SGCZ: variants seen among roughly 807,000 people sequenced by gnomAD.
The protein encoded by SGCZ is sarcoglycan zeta, also known as zeta-sarcoglycan.
In SGCZ, 40 loss-of-function variants were observed where a neutral mutation model predicts 41.3. That is an observed-to-expected ratio of 0.97 (90% confidence interval 0.75 to 1.26). SGCZ has a LOEUF of 1.26. Ranked by LOEUF, SGCZ falls within the 50% of genes most tolerant of loss-of-function variation. The pLI, the probability that SGCZ is intolerant of heterozygous loss-of-function variation, is 0.00. For synonymous variants in SGCZ, 206 were observed against 137.5 expected (o/e 1.50, Z -3.49); for missense variants, 552 against 369.8 (o/e 1.49, Z -4.04).
intron 1 of SGCZ, among the ~76,000 whole-genome samples, chr8:14,928,193 T>C (rs1250120061): frequency 6.6e-6 from 1 of 152,212 alleles, no homozygotes; most frequent in Non-Finnish European, 1.5e-5. Context: ...AGGAAATTAA[T>C]GTCAATGACA....
chr8:14,249,805 T>G (rs995022041), intron 3 of SGCZ, among the ~76,000 whole-genome samples: 2 of 152,128 alleles, frequency 1.3e-5, no homozygotes, highest in African/African-American at 4.8e-5. Flanking sequence ...CTTCTGACAT[T>G]TTTCTACACT....
At chr8:14,885,204 A>C (rs1054963233) in intron 1 of SGCZ, among the ~76,000 whole-genome samples, 1 of 152,100 alleles carries the variant, frequency 6.6e-6, no homozygotes, top group Non-Finnish European at 1.5e-5. Context: ...GTTTGTTTTT[A>C]AATTGGTCCA....
chr8:14,396,697 T>C (rs11995667), intron 2 of SGCZ, among the ~76,000 whole-genome samples: 25,513 of 151,956 alleles, frequency 0.17, 5,054 homozygotes, highest in African/African-American at 0.48. Flanking sequence ...TCAGGGGTTT[T>C]CTGAGAGCAA....
At chr8:14,193,200 T>C (rs111786961) in intron 4 of SGCZ, among the ~76,000 whole-genome samples, 5 of 152,038 alleles carry the variant, frequency 3.3e-5, no homozygotes, top group African/African-American at 1.2e-4. Flanking sequence ...AACATCCATT[T>C]TACTCCTGCC....
intron 1 of SGCZ, among the ~76,000 whole-genome samples, chr8:15,126,559 G>T (rs1807694896): frequency 6.6e-6 from 1 of 152,156 alleles, no homozygotes; most frequent in Non-Finnish European, 1.5e-5. Context: ...ATTCATCATG[G>T]AAGAACTGAT....
intron 1 of SGCZ, among the ~76,000 whole-genome samples, chr8:14,634,134 C>G (rs4831300): frequency 0.34 from 50,925 of 151,574 alleles, 8,864 homozygotes; most frequent in East Asian, 0.63. Context: ...TATTCTATTT[C>G]AGAAAAAAAT....
At chr8:14,465,457 T>A (rs1383636610) in intron 2 of SGCZ, among the ~76,000 whole-genome samples, 2 of 151,776 alleles carry the variant, frequency 1.3e-5, no homozygotes, top group African/African-American at 4.8e-5. Context: ...AGAGGGAGTC[T>A]CCTGTACAGT....
intron 1 of SGCZ, among the ~76,000 whole-genome samples, chr8:15,156,956 AAAAG>A (rs1279075177): frequency 4.6e-5 from 7 of 151,630 alleles, no homozygotes; most frequent in Non-Finnish European, 8.8e-5. Context: ...AAAAAAAAAA[AAAAG>A]AAAAGAAAAA....
At chr8:14,889,938 C>G (rs1253717529) in intron 1 of SGCZ, among the ~76,000 whole-genome samples, 2 of 152,036 alleles carry the variant, frequency 1.3e-5, no homozygotes, top group South Asian at 2.1e-4. Flanking sequence ...ATGAGGAAGA[C>G]CTGTTGAAAG....
chr8:15,130,121 C>A (rs564101098), intron 1 of SGCZ, among the ~76,000 whole-genome samples: 2 of 152,034 alleles, frequency 1.3e-5, no homozygotes, highest in South Asian at 2.1e-4. Flanking sequence ...CCTTCTCTAT[C>A]GGGAGGTTTT....
At chr8:14,557,342 G>A (rs1352551735) in intron 1 of SGCZ, among the ~76,000 whole-genome samples, 1 of 151,578 alleles carries the variant, frequency 6.6e-6, no homozygotes, top group African/African-American at 2.4e-5. Context: ...TTTGTTGAAT[G>A]TATAGATTGT....
intron 1 of SGCZ, among the ~76,000 whole-genome samples, chr8:14,718,895 C>T (rs1002761502): frequency 6.9e-6 from 1 of 145,004 alleles, no homozygotes; most frequent in Non-Finnish European, 1.5e-5. Flanking sequence ...GGCACATGTG[C>T]ACCATGTGCA....
intron 5 of SGCZ, among the ~76,000 whole-genome samples, chr8:14,122,172 G>C (rs948214611): frequency 2.0e-5 from 3 of 152,232 alleles, no homozygotes; most frequent in African/African-American, 7.2e-5. Context: ...AGCTACTCGG[G>C]AGGCTGAGGC....
intron 1 of SGCZ, among the ~76,000 whole-genome samples, chr8:14,570,639 T>C (rs1383250872): frequency 6.6e-6 from 1 of 152,212 alleles, no homozygotes; most frequent in Non-Finnish European, 1.5e-5. Flanking sequence ...ATAGCTTTGT[T>C]ATTACTGACT....
At chr8:14,833,021 A>G (rs1802584281) in intron 1 of SGCZ, among the ~76,000 whole-genome samples, 1 of 151,412 alleles carries the variant, frequency 6.6e-6, no homozygotes, top group Non-Finnish European at 1.5e-5. Context: ...ATTATGTTGA[A>G]ATGCTTAATC....
At chr8:14,827,221 A>ATTTTC (rs1350833978) in intron 1 of SGCZ, among the ~76,000 whole-genome samples, 1 of 141,004 alleles carries the variant, frequency 7.1e-6, no homozygotes, top group Non-Finnish European at 1.5e-5. Context: ...TTTATATCAC[A>ATTTTC]TTTTCTTTTC....
At chr8:14,471,401 C>T (rs1801209869) in intron 2 of SGCZ, among the ~76,000 whole-genome samples, 1 of 152,002 alleles carries the variant, frequency 6.6e-6, no homozygotes, top group African/African-American at 2.4e-5. Context: ...ATATGTATGC[C>T]ACTTTTCTGA....
At chr8:14,820,639 T>C (rs1802047188) in intron 1 of SGCZ, among the ~76,000 whole-genome samples, 1 of 152,054 alleles carries the variant, frequency 6.6e-6, no homozygotes, top group Admixed American at 6.5e-5. Context: ...CTCTTGTAAG[T>C]ATCTTTTCTA....
rs571301523 is a variant in SGCZ, at chr8:14,747,594, C to G, written c.40-192668G>C. Among the ~76,000 whole-genome samples the G allele has an allele frequency of 1.1e-3, 165 of 151,500 alleles. 1 individual carries two copies. Among genetic ancestry groups the G allele is most frequent in the Non-Finnish European group, 1.3e-3 (89 of 67,904 alleles). On this transcript the variant is annotated intron_variant, in intron 1 of 7. Transcript: ENST00000382080. Reference sequence around the variant, plus strand: ...ATTAATAATTTGTTATAATTTTTTTCAGATGAAAACCATTAAAATGACATA... The same window carrying G: ...ATTAATAATTTGTTATAATTTTTTTGAGATGAAAACCATTAAAATGACATA...
Sources: allele counts gnomAD v4.1 joint callset (sites outside exome capture counted in the v4.1 genomes callset), GRCh38; gene constraint gnomAD v4.1.1; transcripts MANE v1.5; gene names NCBI Gene and HGNC (gene_info 2026-07-23, HGNC 2026-07-21).